The following SLC23A1 variants were observed in gnomAD, a reference collection of about 807,000 sequenced individuals.
SLC23A1 encodes the protein Na(+)/L-ascorbic acid transporter 1.
In SLC23A1, 31 loss-of-function variants were observed where a neutral mutation model predicts 62.5. The observed-to-expected ratio is 0.50, with a 90% CI of 0.37 to 0.67. The LOEUF is 0.67. Ranked by LOEUF, SLC23A1 falls within the 30% of genes least tolerant of loss-of-function variation. The pLI, the probability that SLC23A1 is intolerant of heterozygous loss-of-function variation, is 0.00. For synonymous variants in SLC23A1, 271 were observed against 313.2 expected (o/e 0.87, Z 1.42); for missense variants, 640 against 782.7 (o/e 0.82, Z 2.18).
Position 139,380,886 on chromosome 5 carries a change from C to A in SLC23A1, c.309G>T (p.Arg103=). The A allele has an allele frequency of 8.4e-7, 1 of 1,184,378 alleles. No homozygotes were observed. Among genetic ancestry groups the A allele is most frequent in the Middle Eastern group, 2.4e-4 (1 of 4,236 alleles). The allele number at this position is 1,184,378 out of a possible 1,614,324, so 73.4% of individuals were successfully genotyped here. ...AGGCACTGGCCTGGAACAGCGGCAG[C>A]CTGGAGGAGAGGCACAAAGCAACAG... ...TTLIQTTVGI[R]LPLFQASAFA... The change falls in exon 4 of 15, where the codon CGG becomes CGT. Residue 103 remains arginine (R), a splice_region_variant and synonymous_variant. Transcript: ENST00000348729.
At chr5:139,373,247 G>A (rs1420047679) in intron 13 of SLC23A1, among the ~76,000 whole-genome samples, 3 of 151,782 alleles carry the variant, frequency 2.0e-5, no homozygotes, top group Admixed American at 1.3e-4. Context: ...GGTTGATCTC[G>A]GTTCACTGCA....
intron 13 of SLC23A1, among the ~76,000 whole-genome samples, 169 bp downstream of exon 13, chr5:139,377,233 A>C (rs1207889026): frequency 6.6e-6 from 1 of 152,076 alleles, no homozygotes; most frequent in Non-Finnish European, 1.5e-5. Context: ...TCTGTGCCTC[A>C]TTCTCTCCCT....
At chr5:139,383,392 A>AG, upstream of SLC23A1, 1 of 1,472,346 alleles carries the variant, frequency 6.8e-7, no homozygotes. Flanking sequence ...GGATTGCGAA[A>AG]GGGGGGCCCG....
chr5:139,374,317 G>A (rs573047712), intron 13 of SLC23A1, among the ~76,000 whole-genome samples: 43 of 152,246 alleles, frequency 2.8e-4, no homozygotes, highest in African/African-American at 7.7e-4. Context: ...GCGTGGTGGC[G>A]GGCACCGGTA....
chr5:139,383,591 G>A (rs930148011), upstream of SLC23A1, among the ~76,000 whole-genome samples: 1 of 152,136 alleles, frequency 6.6e-6, no homozygotes, highest in Non-Finnish European at 1.5e-5. Context: ...AAGAGGGAGT[G>A]GAAACAGGCA....
intron 1 of SLC23A1, among the ~76,000 whole-genome samples, chr5:139,382,830 G>A (rs553817119): frequency 6.6e-6 from 1 of 152,320 alleles, no homozygotes; most frequent in East Asian, 1.9e-4. Flanking sequence ...CCAGCTTCTA[G>A]AGCCCTCAGG....
Position 139,380,340 on chromosome 5 carries a change from A to C in SLC23A1, c.515T>G (p.Leu172Arg). The change falls in exon 6 of 15, where the codon CTG becomes CGG. Residue 172 changes from leucine (L) to arginine (R), a missense_variant. By Grantham distance (102) the Leu-to-Arg change is moderately radical. Transcript: ENST00000348729. The stretch of plus-strand genomic sequence containing the variant: ...GAGCAGGGCCCCAGGCAGCCCCAGC[A>C]GGCCAATCACCACCTCCACCACGCT... ...VSSVVEVVIG[L>R]LGLPGALLNY... is the part of the protein sequence containing the mutation. The C allele has an allele frequency of 6.2e-7, 1 of 1,612,072 alleles. No individual in the cohort carries two copies. Among genetic ancestry groups the C allele is most frequent in the South Asian group, 1.1e-5 (1 of 90,588 alleles).
chr5:139,380,436 C>A, intron 5 of SLC23A1, 47 bp from the exon 6 acceptor site: 2 of 1,610,344 alleles, frequency 1.2e-6, no homozygotes, highest in Non-Finnish European at 8.5e-7. Context: ...AAGGTCATGA[C>A]CTGGCTGCTG....
intron 14 of SLC23A1, among the ~76,000 whole-genome samples, chr5:139,370,618 A>G (rs547218600): frequency 1.3e-5 from 2 of 151,858 alleles, no homozygotes; most frequent in East Asian, 3.9e-4. Flanking sequence ...CTCAGCCTCA[A>G]GTAGCTGGGA....
chr5:139,380,690 A>G, intron 4 of SLC23A1, 58 bp from the exon 5 acceptor site: 1 of 1,509,216 alleles, frequency 6.6e-7, no homozygotes, highest in Non-Finnish European at 9.2e-7. Flanking sequence ...AGAGGGAGAG[A>G]AGATGCTGCC....
intron 5 of SLC23A1, 63 bp downstream of exon 5, chr5:139,380,502 C>T (rs1758195690): frequency 6.3e-7 from 1 of 1,592,584 alleles, no homozygotes; most frequent in African/African-American, 1.3e-5. Context: ...TCAGCGGCCA[C>T]CCTCACTCCC....
upstream of SLC23A1, chr5:139,384,358 T>C: frequency 7.8e-7 from 1 of 1,285,756 alleles, no homozygotes; most frequent in South Asian, 1.2e-5. Flanking sequence ...GCCCACCTAC[T>C]TCTGGGTCGC....
chr5:139,376,048 A>C (rs1247916536), intron 13 of SLC23A1, among the ~76,000 whole-genome samples: 3 of 152,164 alleles, frequency 2.0e-5, no homozygotes, highest in Non-Finnish European at 2.9e-5. Flanking sequence ...AGGCTGAGGC[A>C]GGAGGGTCAC....
At position 139,377,408 on chromosome 5, in the gene SLC23A1, C is replaced by G. The variant is rs569724761; in HGVS notation, c.1543G>C (p.Val515Leu). Residue 515 changes from valine to leucine, a missense_variant, in exon 13 of 15, where the codon GTG becomes CTG. Transcript: ENST00000348729. ...GCLAFILDNT[V>L]PGSPEERGLI... ...TCCCAGGACCGAACCATACCTGGCA[C>G]TGTGTTGTCAAGTATGAAAGCAAGG... 1 of 1,577,274 alleles carries G rather than the reference C, an allele frequency of 6.3e-7. No individual in the cohort carries two copies. The highest frequency in any genetic ancestry group is 1.3e-5 in the African/African-American group (1 of 74,384).
In SLC23A1 at chr5:139,380,210, A is replaced by T; in HGVS notation, c.645T>A (p.Ala215=). 2 of 1,558,074 alleles carry T rather than the reference A, an allele frequency of 1.3e-6. No homozygotes were observed. The highest frequency in any genetic ancestry group is 2.7e-5 in the African/African-American group (2 of 73,426). The part of the protein sequence containing the change: ...DRAGSHWGIS[A]CSILLIILFS... ...GATCAGGCCTGGTGCCTGCTCACCA[A>T]GCTGAGATGCCCCAGTGGGAGCCAG... Residue 215 remains alanine (A), a splice_region_variant and synonymous_variant, in exon 6 of 15, where the codon GCT becomes GCA. Coordinates refer to ENST00000348729, the MANE Select transcript of SLC23A1 (RefSeq NM_005847.5).
At chr5:139,382,436 G>T in intron 2 of SLC23A1, 56 bp downstream of exon 2, 1 of 1,006,018 alleles carries the variant, frequency 9.9e-7, no homozygotes, top group Non-Finnish European at 1.6e-6. Flanking sequence ...CCAGGGAGGG[G>T]CTGGAGTCCC....
chr5:139,377,520 A>G (rs201500211), intron 12 of SLC23A1, 23 bp from the exon 13 acceptor site: 1 of 1,272,684 alleles, frequency 7.9e-7, no homozygotes, highest in East Asian at 2.3e-5. Flanking sequence ...CCAAGGGCCA[A>G]TGGGTGTCAT....
Position 139,371,979 on chromosome 5 carries a change from C to T in SLC23A1, c.*19+8G>A, listed in dbSNP as rs1757693545. On this transcript the variant is annotated splice_region_variant and intron_variant, in intron 14 of 14. Transcript: ENST00000348729. Reference sequence around the variant, plus strand: ...AACCCTCCCACAAAAACCATAGACACATCCTACCTTTCCTGGAAGTCATTT... The same window carrying T: ...AACCCTCCCACAAAAACCATAGACATATCCTACCTTTCCTGGAAGTCATTT... The T allele has an allele frequency of 6.2e-7, 1 of 1,608,566 alleles. No individual in the cohort carries two copies. The highest frequency in any genetic ancestry group is 8.5e-7 in the Non-Finnish European group (1 of 1,175,680).
Position 139,372,146 on chromosome 5 carries a change from C to T in SLC23A1, c.1657G>A (p.Val553Ile), listed in dbSNP as rs749773594. ...SYDFPIGMGI[V>I]KRITFLKYIP... ...TATTTCAGAAAGGTAATTCTTTTTA[C>T]TATGCCCATCCCAATGGGGAAATCG... Residue 553 changes from valine to isoleucine, a missense_variant, in exon 14 of 15, where the codon GTA (valine) becomes ATA (isoleucine). Transcript: ENST00000348729. 3 of 1,613,606 alleles carry T rather than the reference C, an allele frequency of 1.9e-6. No homozygotes were observed. Among genetic ancestry groups the T allele is most frequent in the African/African-American group, 1.3e-5 (1 of 74,920 alleles).
Sources: allele counts gnomAD v4.1 joint callset (sites outside exome capture counted in the v4.1 genomes callset), GRCh38; gene constraint gnomAD v4.1.1; transcripts MANE v1.5; gene names NCBI Gene and HGNC (gene_info 2026-07-23, HGNC 2026-07-21).